SLC35F1: variants seen among roughly 807,000 people sequenced by gnomAD.
SLC35F1 encodes solute carrier family 35 member F1, also known as chromosome 6 open reading frame 169.
Under a neutral mutation model 48.7 loss-of-function variants are expected in SLC35F1, and 14 were observed. That is an observed-to-expected ratio of 0.29 (90% CI 0.19 to 0.45). The LOEUF (loss-of-function observed/expected upper bound fraction) is 0.45, where lower values mean the gene tolerates loss of function less well. Ranked by LOEUF, SLC35F1 falls within the 20% of genes least tolerant of loss-of-function variation. The pLI is 1.00. For missense variants in SLC35F1, 404 were observed against 500.0 expected, an observed-to-expected ratio of 0.81 and a Z score of 1.83; for synonymous variants, 190 against 202.2, an observed-to-expected ratio of 0.94 and a Z score of 0.51.
intron 1 of SLC35F1, among the ~76,000 whole-genome samples, chr6:117,974,686 T>C (rs1776684056): frequency 6.6e-6 from 1 of 152,230 alleles, no homozygotes; most frequent in Admixed American, 6.5e-5. Context: ...TCAATTTATA[T>C]TCATTACATT....
chr6:118,246,663 C>G (rs1218158766), intron 3 of SLC35F1, among the ~76,000 whole-genome samples: 1 of 152,026 alleles, frequency 6.6e-6, no homozygotes, highest in Non-Finnish European at 1.5e-5. Flanking sequence ...AGTGAGGTGC[C>G]CTTACATGTT....
chr6:118,257,940 T>A (rs147734429), intron 3 of SLC35F1, among the ~76,000 whole-genome samples: 6 of 152,206 alleles, frequency 3.9e-5, no homozygotes, highest in African/African-American at 1.4e-4. Context: ...TTTTCATCCA[T>A]GTTGCAGAGC....
At chr6:118,308,161 A>C (rs917146836) in intron 7 of SLC35F1, among the ~76,000 whole-genome samples, 4 of 152,142 alleles carry the variant, frequency 2.6e-5, no homozygotes, top group African/African-American at 9.7e-5. Flanking sequence ...GATCTTTAAA[A>C]CTACTCTGGT....
At chr6:118,171,517 G>A (rs189994091) in intron 2 of SLC35F1, among the ~76,000 whole-genome samples, 195 of 152,098 alleles carry the variant, frequency 1.3e-3, no homozygotes, top group African/African-American at 4.5e-3. Flanking sequence ...CTGAGTCAAC[G>A]GGCATTCTAA....
In SLC35F1 at chr6:118,154,481, A is replaced by G; in HGVS notation, c.210A>G (p.Leu70=). ...TCTCTGTGGCCCTAGGCCAGGTGTT[A>G]TCCCTCCTTATTTGTGGAATTGGCT... The part of the protein sequence containing the change: ...MLISVALGQV[L]SLLICGIGLT... Residue 70 remains leucine, a synonymous_variant, in exon 2 of 8, where the codon TTA becomes TTG. Coordinates refer to ENST00000360388, the MANE Select transcript of SLC35F1 (RefSeq NM_001029858.4). 1.2e-6 allele frequency: 2 copies of G among 1,613,668 alleles called. No homozygotes were observed. The highest frequency in any genetic ancestry group is 1.7e-6 in the Non-Finnish European group (2 of 1,179,818).
At chr6:117,983,312 C>T (rs1156542939) in intron 1 of SLC35F1, among the ~76,000 whole-genome samples, 3 of 152,120 alleles carry the variant, frequency 2.0e-5, no homozygotes, top group Non-Finnish European at 4.4e-5. Context: ...TTTGGTGGCT[C>T]CCGCCTATAA....
intron 1 of SLC35F1, among the ~76,000 whole-genome samples, chr6:118,028,490 A>G (rs931908045): frequency 7.2e-5 from 11 of 152,146 alleles, no homozygotes; most frequent in Admixed American, 3.3e-4. Context: ...GCTTGAATAT[A>G]CAGGGCAAAT....
intron 3 of SLC35F1, among the ~76,000 whole-genome samples, chr6:118,243,888 C>T (rs1775471648): frequency 6.6e-6 from 1 of 152,144 alleles, no homozygotes; most frequent in Non-Finnish European, 1.5e-5. Context: ...ACTATTCAAA[C>T]GATATTCTTA....
At chr6:117,935,066 C>T (rs2114815231) in intron 1 of SLC35F1, among the ~76,000 whole-genome samples, 1 of 152,294 alleles carries the variant, frequency 6.6e-6, no homozygotes, top group South Asian at 2.1e-4. Context: ...AAGATCACAC[C>T]ATTGCACTCC....
rs1776409083 is a variant in SLC35F1 at position 118,314,511 on chromosome 6, T to G, written c.*259T>G. On this transcript the variant is annotated 3_prime_UTR_variant, in exon 8 of 8. Coordinates refer to ENST00000360388, the MANE Select transcript of SLC35F1 (RefSeq NM_001029858.4). ...CCCCTGCATTCATTACTGTGAAAAT[T>G]TTTGAATCAAAAGCAAGTATTATTG... 6.2e-6 allele frequency: 3 copies of G among 482,168 alleles called. No individual in the cohort carries two copies. Among genetic ancestry groups the G allele is most frequent in the South Asian group, 3.5e-5 (1 of 28,204 alleles). The allele number at this position is 482,168 out of a possible 1,614,324, so 29.9% of individuals were successfully genotyped here. A position where few individuals can be genotyped will look rare whatever the true frequency, so the allele number is the denominator to read the frequency against.
intron 1 of SLC35F1, among the ~76,000 whole-genome samples, chr6:118,078,964 C>T (rs1772865700): frequency 6.6e-6 from 1 of 152,180 alleles, no homozygotes; most frequent in Non-Finnish European, 1.5e-5. Flanking sequence ...TCTTTAGATA[C>T]CGTGTAGCCT....
intron 1 of SLC35F1, among the ~76,000 whole-genome samples, chr6:118,026,250 GA>G (rs1447532444): frequency 6.6e-6 from 1 of 152,184 alleles, no homozygotes; most frequent in East Asian, 1.9e-4. Context: ...CAGATGTGAT[GA>G]GATGGGGGAG....
chr6:118,262,950 A>G (rs1019384918), intron 3 of SLC35F1, among the ~76,000 whole-genome samples: 1 of 152,140 alleles, frequency 6.6e-6, no homozygotes, highest in Admixed American at 6.5e-5. Context: ...AAAAAAAACT[A>G]CAAGGTTCAA....
intron 1 of SLC35F1, among the ~76,000 whole-genome samples, chr6:117,953,634 T>G (rs1234851300): frequency 6.6e-6 from 1 of 152,200 alleles, no homozygotes; most frequent in Non-Finnish European, 1.5e-5. Context: ...GTTTCCCATC[T>G]GTGGGTCAGC....
chr6:118,112,898 G>C (rs1773429152), intron 1 of SLC35F1, among the ~76,000 whole-genome samples: 1 of 151,658 alleles, frequency 6.6e-6, no homozygotes, highest in African/African-American at 2.4e-5. Flanking sequence ...AAATATGAAT[G>C]GTCTAAATAT....
At chr6:118,269,234 A>G (rs1350271717) in intron 4 of SLC35F1, among the ~76,000 whole-genome samples, 3 of 152,228 alleles carry the variant, frequency 2.0e-5, no homozygotes, top group Admixed American at 6.5e-5. Context: ...CCAAAGTGTC[A>G]TTTTTAAAAA....
chr6:117,999,199 C>T lies in SLC35F1; in HGVS notation c.173+91300C>T, dbSNP rs142664239. The T allele has an allele frequency of 1.2e-3, 1,872 of 1,595,062 alleles. 15 individuals carry two copies. In the African/African-American group the frequency reaches 0.019, roughly 16 times the overall value. ...CACGTGCCGAGGCTATCAAGGCCCTCGTAAAGCCCAAGGAGGTTAAGCCCA... is the reference window on the plus strand; with the variant it reads ...CACGTGCCGAGGCTATCAAGGCCCTTGTAAAGCCCAAGGAGGTTAAGCCCA... On this transcript the variant is annotated intron_variant, in intron 1 of 7. Transcript: ENST00000360388.
intron 1 of SLC35F1, among the ~76,000 whole-genome samples, chr6:118,096,948 T>A: frequency 6.6e-6 from 1 of 152,308 alleles, no homozygotes; most frequent in Admixed American, 6.5e-5. Context: ...ATCTCTTTAG[T>A]ATTTGCAGGA....
intron 1 of SLC35F1, among the ~76,000 whole-genome samples, chr6:118,048,367 G>C (rs1315013526): frequency 1.3e-5 from 2 of 152,022 alleles, no homozygotes; most frequent in African/African-American, 2.4e-5. Flanking sequence ...TCTCTGCCAG[G>C]CTTTGGTATC....
Sources: gnomAD v4.1 joint callset for allele counts (sites outside exome capture counted in the v4.1 genomes callset) on GRCh38, gnomAD v4.1.1 for gene constraint, MANE v1.5 for transcripts, NCBI Gene and HGNC (gene_info 2026-07-23, HGNC 2026-07-21) for gene names.